The following TRPM6 variants were observed in gnomAD, a reference collection of about 807,000 sequenced individuals.
TRPM6 encodes the protein channel kinase 2.
A neutral mutation model predicts 247.6 loss-of-function variants in TRPM6; 111 were observed. That is an observed-to-expected ratio of 0.45 (90% confidence interval 0.38 to 0.52). TRPM6 has a LOEUF of 0.52. TRPM6 is among the 20% of genes least tolerant of loss of function. The pLI is 0.00. For missense variants in TRPM6, 2,126 were observed against 2,421.5 expected (o/e 0.88, Z 2.56); for synonymous variants, 892 against 853.8 (o/e 1.04, Z -0.78).
chr9:74,815,944 T>C (rs1318392009), intron 11 of TRPM6, among the ~76,000 whole-genome samples: 3 of 152,254 alleles, frequency 2.0e-5, no homozygotes, highest in African/African-American at 7.2e-5. Flanking sequence ...TTATGGGTAA[T>C]CTTTCTTCTT....
At chr9:74,855,052 T>C (rs1408866612) in intron 3 of TRPM6, among the ~76,000 whole-genome samples, 1 of 152,018 alleles carries the variant, frequency 6.6e-6, no homozygotes, top group Non-Finnish European at 1.5e-5. Flanking sequence ...ATGATCAGAA[T>C]TAAGAAAATT....
chr9:74,743,969 G>T (rs1825948435), intron 32 of TRPM6, 126 bp downstream of exon 32: 2 of 927,102 alleles, frequency 2.2e-6, no homozygotes, highest in South Asian at 2.8e-5. Context: ...TCCCATCAAA[G>T]TGAACAATAA....
intron 1 of TRPM6, among the ~76,000 whole-genome samples, chr9:74,865,494 C>T (rs944722457): frequency 2.6e-5 from 4 of 152,118 alleles, no homozygotes; most frequent in African/African-American, 9.7e-5. Flanking sequence ...AACTGTCCCT[C>T]GATAGTAAAA....
chr9:74,853,300 G>A (rs950947930), intron 3 of TRPM6, among the ~76,000 whole-genome samples: 7 of 151,074 alleles, frequency 4.6e-5, no homozygotes, highest in Non-Finnish European at 7.4e-5. Context: ...CCCGGCAGCC[G>A]CCCCATCCGG....
intron 21 of TRPM6, among the ~76,000 whole-genome samples, chr9:74,783,816 CTT>C (rs1827547881): frequency 6.6e-6 from 1 of 152,138 alleles, no homozygotes; most frequent in Non-Finnish European, 1.5e-5. Context: ...TTTCTGTCCT[CTT>C]TGTTTGTTTG....
chr9:74,860,921 C>T (rs1830674345), intron 1 of TRPM6, among the ~76,000 whole-genome samples: 1 of 151,980 alleles, frequency 6.6e-6, no homozygotes, highest in African/African-American at 2.4e-5. Context: ...ACCCAGAAGG[C>T]TGAGGTGGGA....
At chr9:74,759,193 A>C (rs1826538660) in intron 27 of TRPM6, among the ~76,000 whole-genome samples, 1 of 152,124 alleles carries the variant, frequency 6.6e-6, no homozygotes, top group African/African-American at 2.4e-5. Context: ...CCCCACATCG[A>C]CATATAGATC....
intron 27 of TRPM6, among the ~76,000 whole-genome samples, chr9:74,757,069 T>C (rs942884247): frequency 1.3e-5 from 2 of 151,704 alleles, no homozygotes; most frequent in Non-Finnish European, 2.9e-5. Flanking sequence ...TCCCAGCTAC[T>C]TGGGAGGCTG....
At chr9:74,798,477 T>A (rs1828181583) in intron 17 of TRPM6, among the ~76,000 whole-genome samples, 1 of 152,184 alleles carries the variant, frequency 6.6e-6, no homozygotes, top group Non-Finnish European at 1.5e-5. Flanking sequence ...CTAATTAATC[T>A]CTAGACAACT....
intron 23 of TRPM6, 46 bp from the exon 24 acceptor site, chr9:74,776,122 T>C (rs1446329953): frequency 2.6e-6 from 4 of 1,529,380 alleles, no homozygotes; most frequent in Admixed American, 3.3e-5. Context: ...TATGAAGTCT[T>C]GAAAGGTAAC....
chr9:74,884,357 C>T (rs1173123553), intron 1 of TRPM6, among the ~76,000 whole-genome samples: 1 of 151,754 alleles, frequency 6.6e-6, no homozygotes, highest in Non-Finnish European at 1.5e-5. Flanking sequence ...GGCGTGGTGG[C>T]GGGTGCCTGT....
At position 74,724,388 on chromosome 9, in the gene TRPM6, G is replaced by A. The variant is rs1825244797; in HGVS notation, c.*225C>T. ...AGCTGACTCATCCAAGCATCTTCGTGTGGAACTTGAGGATGGAGCTGCAAA... is the reference window on the plus strand; with the variant it reads ...AGCTGACTCATCCAAGCATCTTCGTATGGAACTTGAGGATGGAGCTGCAAA... On this transcript the variant is annotated 3_prime_UTR_variant, in exon 39 of 39. Transcript: ENST00000360774. 1 of 594,418 alleles carries A rather than the reference G, an allele frequency of 1.7e-6. No homozygotes were observed. Among genetic ancestry groups the A allele is most frequent in the South Asian group, 2.0e-5 (1 of 50,020 alleles). The allele number at this position is 594,418 out of a possible 1,614,324, so 36.8% of individuals were successfully genotyped here. A position where few individuals can be genotyped will look rare whatever the true frequency, so the allele number is the denominator to read the frequency against.
intron 1 of TRPM6, among the ~76,000 whole-genome samples, chr9:74,871,114 C>T (rs1029970444): frequency 6.6e-5 from 10 of 152,166 alleles, no homozygotes; most frequent in African/African-American, 2.4e-4. Flanking sequence ...GACAAAGCTG[C>T]ACTTAGTTCT....
At chr9:74,817,557 G>A (rs1280705109) in intron 9 of TRPM6, among the ~76,000 whole-genome samples, 1 of 152,094 alleles carries the variant, frequency 6.6e-6, no homozygotes, top group East Asian at 1.9e-4. Context: ...AATTACAGTG[G>A]ACCCAATGAG....
At chr9:74,818,229 A>T (rs1829010869) in intron 9 of TRPM6, among the ~76,000 whole-genome samples, 1 of 151,692 alleles carries the variant, frequency 6.6e-6, no homozygotes, top group African/African-American at 2.4e-5. Flanking sequence ...TGTGGCAAAT[A>T]GAAAGTGCAA....
chr9:74,850,396 C>T (rs1830260748), intron 3 of TRPM6, among the ~76,000 whole-genome samples: 2 of 150,960 alleles, frequency 1.3e-5, no homozygotes, highest in African/African-American at 2.4e-5. Flanking sequence ...CCAGAACAAG[C>T]GCAGGTGATG....
Position 74,742,585 on chromosome 9 carries a change from G to A in TRPM6, c.5176C>T (p.Pro1726Ser). The change falls in exon 33 of 39, where the codon CCA becomes TCA. Residue 1726 changes from proline (P) to serine (S), a missense_variant. This residue lies in a region of TRPM6 where 327 missense variants were observed against 397.7 expected (regional missense o/e 0.82). Coordinates refer to ENST00000360774, the MANE Select transcript of TRPM6 (RefSeq NM_017662.5). Reference protein sequence around the residue: ...NNLMRLSQTIPFTPVQLFAGE... With the variant: ...NNLMRLSQTISFTPVQLFAGE... ...CCAAACAGTTGGACTGGTGTAAATG[G>A]TATGGTCTGAGAAAGCCTCATTAAA... is the stretch of plus-strand genomic sequence containing the variant. 6.2e-7 allele frequency: 1 copy of A among 1,613,924 alleles called. No individual in the cohort carries two copies.
At chr9:74,783,742 C>G (rs1251619274) in intron 21 of TRPM6, among the ~76,000 whole-genome samples, 1 of 152,168 alleles carries the variant, frequency 6.6e-6, no homozygotes, top group African/African-American at 2.4e-5. Flanking sequence ...CAAGAGAAAA[C>G]ATTTCTGGTC....
intron 4 of TRPM6, among the ~76,000 whole-genome samples, chr9:74,840,712 G>T (rs111548641): frequency 0.019 from 2,854 of 151,926 alleles, 83 homozygotes; most frequent in African/African-American, 0.064. Flanking sequence ...AGCTACCCGG[G>T]TGACTGAGGC....
Sources: allele counts gnomAD v4.1 joint callset (sites outside exome capture counted in the v4.1 genomes callset), GRCh38; gene constraint gnomAD v4.1.1; regional missense constraint gnomAD v4.1.1; transcripts MANE v1.5; gene names NCBI Gene and HGNC (gene_info 2026-07-23, HGNC 2026-07-21).